DIAPH2: variants seen among roughly 807,000 people sequenced by gnomAD.
The protein encoded by DIAPH2 is protein diaphanous homolog 2.
In DIAPH2, 35 loss-of-function variants were observed where a neutral mutation model predicts 92.7. The ratio of observed to expected loss-of-function variants is 0.38; its 90% CI spans 0.29 to 0.50. The LOEUF (loss-of-function observed/expected upper bound fraction) is 0.50, where lower values mean the gene tolerates loss of function less well. Ranked by LOEUF, DIAPH2 falls within the 20% of genes least tolerant of loss-of-function variation. The pLI, the probability that DIAPH2 is intolerant of heterozygous loss-of-function variation, is 0.94. For synonymous variants in DIAPH2, 301 were observed against 280.4 expected (o/e 1.07, Z -0.73); for missense variants, 701 against 819.5 (o/e 0.86, Z 1.77).
rs747274826 is a variant in DIAPH2 at position 97,247,350 on chromosome X, G to A, written c.2720-365G>A. Among the ~76,000 whole-genome samples, 6 of 111,643 alleles carry A rather than the reference G, an allele frequency of 5.4e-5. No individual in the cohort carries two copies. The South Asian group carries it at 2.2e-3, about 42-fold the overall frequency. ...TTAAATCATTTATAGAGCTACTAAC[G>A]TGCATTAATAACATCTCTTTGAACC... On this transcript the variant is annotated intron_variant, in intron 22 of 26. Transcript: ENST00000324765.
intron 24 of DIAPH2, among the ~76,000 whole-genome samples, chrX:97,372,193 G>T (rs1403138036): frequency 1.8e-5 from 2 of 112,413 alleles, no homozygotes; most frequent in African/African-American, 3.2e-5. Flanking sequence ...TTCTGCAGTT[G>T]TAAGGCAAAT....
chrX:97,081,483 C>A (rs979875657), intron 19 of DIAPH2, among the ~76,000 whole-genome samples: 1 of 112,076 alleles, frequency 8.9e-6, no homozygotes, highest in African/African-American at 3.2e-5. Context: ...TTAATTTTTT[C>A]TTGTACTAAT....
chrX:97,546,617 C>T (rs2147860463), intron 26 of DIAPH2, among the ~76,000 whole-genome samples: 1 of 111,728 alleles, frequency 9.0e-6, no homozygotes, highest in South Asian at 3.8e-4. Flanking sequence ...AGGTGGATCT[C>T]CTGAGGTCAG....
intron 23 of DIAPH2, among the ~76,000 whole-genome samples, chrX:97,347,162 C>T (rs1271405739): frequency 1.1e-4 from 11 of 102,456 alleles, no homozygotes; most frequent in African/African-American, 4.0e-4. Flanking sequence ...AATCTTGGCT[C>T]AGCACAGCCT....
chrX:96,704,474 G>A (rs897201229), intron 1 of DIAPH2, among the ~76,000 whole-genome samples: 1 of 111,737 alleles, frequency 8.9e-6, no homozygotes, highest in Non-Finnish European at 1.9e-5. Flanking sequence ...TCACATCAGA[G>A]TACTCTTTGT....
At chrX:97,347,841 C>A (rs1226321388) in intron 23 of DIAPH2, among the ~76,000 whole-genome samples, 1 of 111,123 alleles carries the variant, frequency 9.0e-6, no homozygotes, top group African/African-American at 3.3e-5. Context: ...AGGATACAGA[C>A]AGGGGAACGA....
chrX:97,585,774 C>T (rs765631010), intron 26 of DIAPH2, among the ~76,000 whole-genome samples: 1 of 111,544 alleles, frequency 9.0e-6, no homozygotes, highest in Non-Finnish European at 1.9e-5. Context: ...CTGGCTTCTG[C>T]TCCCCTTATT....
Position 97,293,243 on chromosome X carries a change from CTTTTTTTTTTTT to C in DIAPH2, c.2844+45419_2844+45430del, listed in dbSNP as rs1184478622. On this transcript the variant is annotated intron_variant, in intron 23 of 26. Transcript: ENST00000324765. ...GGCCTGTCTTTGTTGATATTTCTTT[CTTTTTTTTTTTT>C]TTTTTTTTTTTTTTGAGACGGAGTC... is the stretch of plus-strand genomic sequence containing the variant. 2.4e-4 allele frequency among the ~76,000 whole-genome samples: 15 copies of C among 63,200 alleles called. No individual in the cohort carries two copies. The East Asian group carries it at 5.8e-3, about 24-fold the overall frequency. 54.9% of individuals were successfully genotyped at this position (63,200 alleles called of 115,157 possible).
chrX:96,968,624 G>A (rs1428403049), intron 17 of DIAPH2, among the ~76,000 whole-genome samples: 1 of 111,828 alleles, frequency 8.9e-6, no homozygotes, highest in Non-Finnish European at 1.9e-5. Flanking sequence ...TATAGATTCT[G>A]GGTATTAGAC....
intron 25 of DIAPH2, among the ~76,000 whole-genome samples, chrX:97,397,341 A>C (rs931960420): frequency 2.5e-5 from 2 of 81,279 alleles, no homozygotes; most frequent in Admixed American, 3.2e-4. Flanking sequence ...CAGCACTGGA[A>C]TCTACTTTAA....
intron 1 of DIAPH2, among the ~76,000 whole-genome samples, chrX:96,709,913 T>C (rs1412737254): frequency 8.9e-6 from 1 of 112,308 alleles, no homozygotes; most frequent in Non-Finnish European, 1.9e-5. Context: ...TATAACATTC[T>C]TTCCATGACA....
At chrX:96,869,561 AC>A (rs1402891652) in intron 4 of DIAPH2, among the ~76,000 whole-genome samples, 4 of 92,367 alleles carry the variant, frequency 4.3e-5, no homozygotes, top group African/African-American at 2.4e-4. Flanking sequence ...TACTACCACT[AC>A]TACTACTACT....
Position 96,962,394 on chromosome X carries a change from C to T in DIAPH2, c.1936-2699C>T, listed in dbSNP as rs185648657. Among the ~76,000 whole-genome samples the T allele has an allele frequency of 1.3e-3, 73 of 55,567 alleles. 5 individuals carry two copies. The highest frequency in any genetic ancestry group is 5.8e-3 in the African/African-American group (66 of 11,374). The allele number at this position is 55,567 out of a possible 115,157, so 48.3% of individuals were successfully genotyped here. On this transcript the variant is annotated intron_variant, in intron 16 of 26. Coordinates refer to ENST00000324765, the MANE Select transcript of DIAPH2 (RefSeq NM_006729.5). ...ATATATATATACACATATATATACA[C>T]ATATATATACACATATATATATACA...
At chrX:96,793,512 G>T in intron 4 of DIAPH2, 1 of 320,899 alleles carries the variant, frequency 3.1e-6, no homozygotes, top group East Asian at 8.5e-5. Flanking sequence ...TATTAAGTAG[G>T]GGCCTTCGAT....
intron 9 of DIAPH2, among the ~76,000 whole-genome samples, chrX:96,920,674 C>T (rs1373797591): frequency 8.9e-6 from 1 of 111,737 alleles, no homozygotes; most frequent in African/African-American, 3.2e-5. Context: ...TCACCCCAAA[C>T]AATGAGATGG....
intron 26 of DIAPH2, among the ~76,000 whole-genome samples, chrX:97,574,782 G>C (rs781552245): frequency 3.6e-4 from 40 of 112,144 alleles, no homozygotes; most frequent in Non-Finnish European, 6.8e-4. Flanking sequence ...GGGTGATAAG[G>C]AGCCATTTCA....
intron 23 of DIAPH2, among the ~76,000 whole-genome samples, chrX:97,301,985 C>A (rs1057026483): frequency 9.4e-6 from 1 of 106,556 alleles, no homozygotes; most frequent in South Asian, 4.1e-4. Flanking sequence ...GAGGCCGAGG[C>A]GGGCAGATCA....
At chrX:97,167,972 C>A (rs1247874725) in intron 22 of DIAPH2, among the ~76,000 whole-genome samples, 1 of 111,681 alleles carries the variant, frequency 9.0e-6, no homozygotes, top group Non-Finnish European at 1.9e-5. Context: ...CAGATACAAA[C>A]CCCTTGTCAC....
chrX:97,548,113 A>G (rs1364565665), intron 26 of DIAPH2, among the ~76,000 whole-genome samples: 1 of 112,043 alleles, frequency 8.9e-6, no homozygotes, highest in African/African-American at 3.2e-5. Context: ...GACAACAGAA[A>G]CTACTCCCTT....
Sources: allele counts gnomAD v4.1 joint callset (sites outside exome capture counted in the v4.1 genomes callset), GRCh38; gene constraint gnomAD v4.1.1; transcripts MANE v1.5; gene names NCBI Gene and HGNC (gene_info 2026-07-23, HGNC 2026-07-21).